The following ADAMTS6 variants were observed in gnomAD, a reference collection of about 807,000 sequenced individuals.
The protein encoded by ADAMTS6 is ADAM metallopeptidase with thrombospondin type 1 motif 6.
A neutral mutation model predicts 144.3 loss-of-function variants in ADAMTS6; 23 were observed. The ratio of observed to expected loss-of-function variants is 0.16; its 90% CI spans 0.11 to 0.23. ADAMTS6 has a LOEUF of 0.23. Among genes scored for constraint, ADAMTS6 ranks in the 10% least tolerant of loss-of-function variants. The pLI is 1.00. For synonymous variants in ADAMTS6, 444 were observed against 457.5 expected, an observed-to-expected ratio of 0.97 and a Z score of 0.38; for missense variants, 999 against 1,379.6, an observed-to-expected ratio of 0.72 and a Z score of 4.37.
intron 7 of ADAMTS6, among the ~76,000 whole-genome samples, chr5:65,396,629 A>G (rs1424571052): frequency 2.6e-5 from 4 of 152,220 alleles, no homozygotes; most frequent in Non-Finnish European, 4.4e-5. Context: ...GTCTTCACTG[A>G]TTCTGCCTTT....
intron 15 of ADAMTS6, among the ~76,000 whole-genome samples, chr5:65,228,245 T>A (rs1010346840): frequency 9.9e-6 from 1 of 101,222 alleles, no homozygotes; most frequent in African/African-American, 6.1e-5. Context: ...TGCATTAGGC[T>A]TTAAAAAGAG....
At chr5:65,327,894 A>C (rs548352580) in intron 9 of ADAMTS6, among the ~76,000 whole-genome samples, 1 of 152,154 alleles carries the variant, frequency 6.6e-6, no homozygotes, top group African/African-American at 2.4e-5. Context: ...ACTTTTCCTA[A>C]CCTTCCAATT....
intron 7 of ADAMTS6, among the ~76,000 whole-genome samples, chr5:65,369,497 G>A (rs987582895): frequency 1.3e-5 from 2 of 150,544 alleles, no homozygotes; most frequent in Admixed American, 6.6e-5. Flanking sequence ...TCTTTCTTAT[G>A]TTCTTAGCTA....
chr5:65,315,509 TTAAA>T (rs1270362787), intron 9 of ADAMTS6, among the ~76,000 whole-genome samples: 1 of 152,022 alleles, frequency 6.6e-6, no homozygotes, highest in Non-Finnish European at 1.5e-5. Flanking sequence ...AATGATCACT[TTAAA>T]TATGAAAGTT....
At chr5:65,477,554 G>A (rs1445167963) in intron 1 of ADAMTS6, among the ~76,000 whole-genome samples, 2 of 152,010 alleles carry the variant, frequency 1.3e-5, no homozygotes, top group Non-Finnish European at 2.9e-5. Flanking sequence ...TAAGCCAGTA[G>A]CATTGAGAAA....
intron 9 of ADAMTS6, among the ~76,000 whole-genome samples, chr5:65,308,759 C>T (rs2112832843): frequency 6.6e-6 from 1 of 152,146 alleles, no homozygotes; most frequent in East Asian, 1.9e-4. Flanking sequence ...ATCATCAAGG[C>T]TGAATGAATA....
chr5:65,312,015 G>A (rs1744540032), intron 9 of ADAMTS6, among the ~76,000 whole-genome samples: 1 of 151,896 alleles, frequency 6.6e-6, no homozygotes, highest in South Asian at 2.1e-4. Flanking sequence ...CAAGCATTTT[G>A]TTAAACAATC....
At chr5:65,296,992 C>G (rs1742904025) in intron 10 of ADAMTS6, 1 of 219,344 alleles carries the variant, frequency 4.6e-6, no homozygotes, top group Non-Finnish European at 9.4e-6. Flanking sequence ...CTTCCACTGC[C>G]TGGTAAATTG....
At chr5:65,469,694 C>T (rs1262479495) in intron 3 of ADAMTS6, among the ~76,000 whole-genome samples, 1 of 152,150 alleles carries the variant, frequency 6.6e-6, no homozygotes, top group Non-Finnish European at 1.5e-5. Context: ...GAGCACATTC[C>T]TATATACATC....
At chr5:65,439,954 G>A (rs1050811634) in intron 7 of ADAMTS6, among the ~76,000 whole-genome samples, 2 of 152,076 alleles carry the variant, frequency 1.3e-5, no homozygotes, top group African/African-American at 2.4e-5. Context: ...ACAGGCATGC[G>A]CCACCATACC....
At chr5:65,219,683 C>T (rs1199308456) in intron 18 of ADAMTS6, among the ~76,000 whole-genome samples, 1 of 152,148 alleles carries the variant, frequency 6.6e-6, no homozygotes, top group African/African-American at 2.4e-5. Context: ...GTTGGAATTA[C>T]AGGCATGTGC....
intron 7 of ADAMTS6, among the ~76,000 whole-genome samples, chr5:65,355,760 T>A (rs80023086): frequency 0.02 from 3,015 of 151,950 alleles, 95 homozygotes; most frequent in African/African-American, 0.069. Context: ...TATATTAACA[T>A]TATCAGCTTC....
chr5:65,326,789 T>C (rs1470909566), intron 9 of ADAMTS6, among the ~76,000 whole-genome samples: 2 of 152,212 alleles, frequency 1.3e-5, no homozygotes, highest in Non-Finnish European at 1.5e-5. Flanking sequence ...CACTGTATTT[T>C]AATGATGACA....
At chr5:65,235,145 T>C (rs1161034000) in intron 15 of ADAMTS6, among the ~76,000 whole-genome samples, 1 of 152,176 alleles carries the variant, frequency 6.6e-6, no homozygotes, top group African/African-American at 2.4e-5. Context: ...AGAGATCTAA[T>C]ATAGTATAGT....
chr5:65,343,390 C>G (rs957680727), intron 7 of ADAMTS6, among the ~76,000 whole-genome samples: 2 of 151,900 alleles, frequency 1.3e-5, no homozygotes, highest in African/African-American at 4.8e-5. Context: ...AATTAATCCA[C>G]GTATATACGG....
Position 65,473,839 on chromosome 5 carries a change from C to A in ADAMTS6, c.-166G>T, listed in dbSNP as rs1270344748. On this transcript the variant is annotated 5_prime_UTR_variant, in exon 2 of 25. It introduces an in-frame stop codon into an upstream open reading frame of the 5' UTR. Transcript: ENST00000381055. ...ACTTTTATCCAACATCCTGCACTTT[C>A]TTCTATATCTGGATTCATTTTCTCA... is the stretch of plus-strand genomic sequence containing the variant. 1 of 527,546 alleles carries A rather than the reference C, an allele frequency of 1.9e-6. No individual in the cohort carries two copies. Among genetic ancestry groups the A allele is most frequent in the Non-Finnish European group, 3.4e-6 (1 of 292,526 alleles). 32.7% of individuals were successfully genotyped at this position (527,546 alleles called of 1,614,324 possible).
At chr5:65,365,232 T>A (rs1175798125) in intron 7 of ADAMTS6, among the ~76,000 whole-genome samples, 6 of 152,170 alleles carry the variant, frequency 3.9e-5, no homozygotes, top group African/African-American at 1.4e-4. Context: ...CAATAATATG[T>A]CTTAATAATT....
intron 7 of ADAMTS6, among the ~76,000 whole-genome samples, chr5:65,419,691 T>TA (rs1228509898): frequency 6.6e-6 from 1 of 152,230 alleles, no homozygotes; most frequent in African/African-American, 2.4e-5. Flanking sequence ...TGCTACCATA[T>TA]AAATGAATCT....
At chr5:65,296,686 G>T (rs940726978) in intron 10 of ADAMTS6, among the ~76,000 whole-genome samples, 1 of 152,054 alleles carries the variant, frequency 6.6e-6, no homozygotes, top group Non-Finnish European at 1.5e-5. Flanking sequence ...CAGTTCTCTT[G>T]TAGATCTACA....
Sources: gnomAD v4.1 joint callset for allele counts (sites outside exome capture counted in the v4.1 genomes callset) on GRCh38, gnomAD v4.1.1 for gene constraint, MANE v1.5 for transcripts, NCBI Gene and HGNC (gene_info 2026-07-23, HGNC 2026-07-21) for gene names.